The following COL15A1 variants were observed in gnomAD, a reference collection of about 807,000 sequenced individuals.
COL15A1 encodes collagen type XV alpha 1 chain.
Under a neutral mutation model 165.9 loss-of-function variants are expected in COL15A1, and 111 were observed. That is an observed-to-expected ratio of 0.67 (90% confidence interval 0.57 to 0.78). COL15A1 has a LOEUF of 0.78. Ranked by LOEUF, COL15A1 falls within the 30% of genes least tolerant of loss-of-function variation. The pLI is 0.00. For missense variants in COL15A1, 1,745 were observed against 1,789.7 expected (o/e 0.98, Z 0.45); for synonymous variants, 659 against 674.8 (o/e 0.98, Z 0.36).
chr9:98,957,900 C>A (rs1837802272), intron 2 of COL15A1, among the ~76,000 whole-genome samples: 1 of 152,154 alleles, frequency 6.6e-6, no homozygotes, highest in Admixed American at 6.5e-5. Context: ...CACTGTGTTG[C>A]CCAGACTGGT....
intron 19 of COL15A1, 81 bp from the exon 20 acceptor site, chr9:99,036,089 A>AG (rs1424182059): frequency 3.5e-6 from 4 of 1,158,760 alleles, no homozygotes; most frequent in Admixed American, 1.8e-5. Flanking sequence ...ATAAAAGCTT[A>AG]GGGGGAGATG....
chr9:98,977,727 AGGGTG>A (rs1184207464), intron 2 of COL15A1, among the ~76,000 whole-genome samples: 1 of 114,714 alleles, frequency 8.7e-6, no homozygotes, highest in African/African-American at 3.3e-5. Flanking sequence ...AGGGGGATGG[AGGGTG>A]GGAGGGTTAG....
At chr9:99,027,387 A>G (rs1398739479) in intron 16 of COL15A1, among the ~76,000 whole-genome samples, 1 of 152,252 alleles carries the variant, frequency 6.6e-6, no homozygotes, top group Non-Finnish European at 1.5e-5. Context: ...TGGAACCATA[A>G]CTCAATTTTC....
At chr9:98,987,623 G>A (rs7022586) in intron 4 of COL15A1, among the ~76,000 whole-genome samples, 3,526 of 152,260 alleles carry the variant, frequency 0.023, 138 homozygotes, top group African/African-American at 0.078. Flanking sequence ...CTGCTTTCCC[G>A]CCTTCTTGCC....
chr9:99,023,557 G>A (rs1408310119), intron 14 of COL15A1, 108 bp downstream of exon 14: 1 of 624,122 alleles, frequency 1.6e-6, no homozygotes, highest in East Asian at 2.6e-5. Context: ...GGCTGCTGCT[G>A]GGGTTGCCGG....
At chr9:99,024,386 T>G (rs1393977367) in intron 14 of COL15A1, among the ~76,000 whole-genome samples, 3 of 150,334 alleles carry the variant, frequency 2.0e-5, no homozygotes, top group African/African-American at 7.3e-5. Context: ...GTTTACTTAC[T>G]CCATTCTCCG....
At chr9:98,986,722 A>G (rs774590049) in intron 3 of COL15A1, among the ~76,000 whole-genome samples, 2 of 152,250 alleles carry the variant, frequency 1.3e-5, no homozygotes, top group Non-Finnish European at 2.9e-5. Flanking sequence ...TCGTTGGTGA[A>G]CAGGACAGCA....
Position 99,026,986 on chromosome 9 carries a change from A to G in COL15A1, c.2043+1020A>G, listed in dbSNP as rs536687989. ...AACTTTTTTCAGACACCATTAGTCT[A>G]CTTTTCCCAGAGTCTGGCCTGCCTT... On this transcript the variant is annotated intron_variant, in intron 16 of 41. Coordinates refer to ENST00000375001, the MANE Select transcript of COL15A1 (RefSeq NM_001855.5). Among the ~76,000 whole-genome samples, 65 of 152,282 alleles carry G rather than the reference A, an allele frequency of 4.3e-4. 2 individuals carry two copies. In the South Asian group the frequency reaches 0.013, roughly 30 times the overall value.
rs60290557 is a variant in COL15A1, at chr9:99,034,586, TAAAAAAAAAAAAAA to T, written c.2079+17_2079+30del. 13 of 1,073,422 alleles carry T rather than the reference TAAAAAAAAAAAAAA, an allele frequency of 1.2e-5. No homozygotes were observed. The highest frequency in any genetic ancestry group is 3.9e-5 in the South Asian group (2 of 50,934). The allele number at this position is 1,073,422 out of a possible 1,614,324, so 66.5% of individuals were successfully genotyped here. ...CCTAATGGCTCAGTTGGTGAAAAGG[TAAAAAAAAAAAAAA>T]AAAAAAAAAAAAAAGAACTTTCTTC... On this transcript the variant is annotated splice_donor_5th_base_variant and intron_variant, in intron 17 of 41. Coordinates refer to ENST00000375001, the MANE Select transcript of COL15A1 (RefSeq NM_001855.5).
intron 5 of COL15A1, 23 bp from the exon 6 acceptor site, chr9:98,996,911 C>A: frequency 6.2e-7 from 1 of 1,608,952 alleles, no homozygotes; most frequent in Non-Finnish European, 8.5e-7. Flanking sequence ...AATCATTTTG[C>A]ATCTCATTTT....
In COL15A1 at chr9:98,989,193, A is replaced by G. The variant is rs1838373098; in HGVS notation, c.739A>G (p.Ser247Gly). 6.2e-7 allele frequency: 1 copy of G among 1,614,008 alleles called. No individual in the cohort carries two copies. The highest frequency in any genetic ancestry group is 8.5e-7 in the Non-Finnish European group (1 of 1,179,976). ...CTCCACACAGGCATCTGGAGAGACC[A>G]GTGGGCTGCAGGAGGCAGACGGAGT... ...PEESSASGET[S>G]GLQEADGVAE... Residue 247 changes from serine to glycine, a missense_variant, in exon 5 of 42, where the codon AGT (serine) becomes GGT (glycine). Transcript: ENST00000375001.
chr9:99,056,115 C>T lies in COL15A1; in HGVS notation c.3193-145C>T, dbSNP rs368893762. 317 of 882,994 alleles carry T rather than the reference C, an allele frequency of 3.6e-4. 1 individual carries two copies. The Middle Eastern group carries it at 0.011, about 29-fold the overall frequency. The allele number at this position is 882,994 out of a possible 1,614,324, so 54.7% of individuals were successfully genotyped here. On this transcript the variant is annotated intron_variant, in intron 34 of 41. Transcript: ENST00000375001. ...CTGCCATCTTGGAGGCCTTACCCCACCTTGAATTGTGCCCAAGATTGAGGA... is the reference window on the plus strand; with the variant it reads ...CTGCCATCTTGGAGGCCTTACCCCATCTTGAATTGTGCCCAAGATTGAGGA...
chr9:98,988,158 C>T (rs1377395654), intron 4 of COL15A1, among the ~76,000 whole-genome samples: 1 of 152,168 alleles, frequency 6.6e-6, no homozygotes, highest in Non-Finnish European at 1.5e-5. Flanking sequence ...ATCAACGTCA[C>T]AACAGAACAT....
intron 9 of COL15A1, among the ~76,000 whole-genome samples, chr9:99,011,220 T>G (rs894019002): frequency 6.6e-6 from 1 of 152,154 alleles, no homozygotes; most frequent in African/African-American, 2.4e-5. Flanking sequence ...AATTCTTTAG[T>G]GTATAAGTGG....
intron 39 of COL15A1, among the ~76,000 whole-genome samples, chr9:99,063,648 C>T (rs1825851777): frequency 6.6e-6 from 1 of 152,092 alleles, no homozygotes; most frequent in Non-Finnish European, 1.5e-5. Flanking sequence ...ACTAGTGTTT[C>T]AGAAATTACC....
chr9:99,069,721 T>C lies in COL15A1; in HGVS notation c.4002T>C (p.Leu1334=), dbSNP rs1219428566. The C allele has an allele frequency of 2.5e-6, 4 of 1,613,638 alleles. No individual in the cohort carries two copies. Among genetic ancestry groups the C allele is most frequent in the Non-Finnish European group, 3.4e-6 (4 of 1,179,622 alleles). Residue 1334 remains leucine (L), a synonymous_variant, in exon 42 of 42, where the codon CTT becomes CTC. Coordinates refer to ENST00000375001, the MANE Select transcript of COL15A1 (RefSeq NM_001855.5). ...WHGSSPHGVR[L]VDNYCEAWRT... is the part of the protein sequence containing the mutation. ...GCTCCAGCCCCCATGGCGTCCGCCTTGTGGATAACTACTGTGAAGCATGGC... is the reference window on the plus strand; with the variant it reads ...GCTCCAGCCCCCATGGCGTCCGCCTCGTGGATAACTACTGTGAAGCATGGC...
intron 5 of COL15A1, among the ~76,000 whole-genome samples, chr9:98,990,263 C>T (rs1317233524): frequency 1.3e-5 from 2 of 152,214 alleles, no homozygotes; most frequent in Admixed American, 1.3e-4. Flanking sequence ...AAGACACTGA[C>T]TGAAGGGTGT....
chr9:98,951,622 T>C (rs1238762635), intron 2 of COL15A1, among the ~76,000 whole-genome samples: 1 of 152,188 alleles, frequency 6.6e-6, no homozygotes, highest in Non-Finnish European at 1.5e-5. Context: ...TGTAGTGCAG[T>C]GGTACAATCT....
intron 39 of COL15A1, among the ~76,000 whole-genome samples, chr9:99,065,941 G>A (rs151191494): frequency 2.6e-5 from 4 of 151,886 alleles, no homozygotes; most frequent in Non-Finnish European, 4.4e-5. Context: ...GGTCTGAGAG[G>A]CGGGGTAGAA....
Sources: gnomAD v4.1 joint callset for allele counts (sites outside exome capture counted in the v4.1 genomes callset) on GRCh38, gnomAD v4.1.1 for gene constraint, MANE v1.5 for transcripts, NCBI Gene and HGNC (gene_info 2026-07-23, HGNC 2026-07-21) for gene names.